The following KIAA1328 variants were observed in gnomAD, a reference collection of about 807,000 sequenced individuals.
KIAA1328 encodes KIAA1328, also known as protein hinderin.
In KIAA1328, 52 loss-of-function variants were observed where a neutral mutation model predicts 68.1. That is an observed-to-expected ratio of 0.76 (90% confidence interval 0.61 to 0.96). The LOEUF is 0.96. Among genes scored for constraint, KIAA1328 ranks in the 40% least tolerant of loss-of-function variants. The pLI is 0.00. For synonymous variants in KIAA1328, 232 were observed against 239.4 expected (o/e 0.97, Z 0.28); for missense variants, 641 against 677.6 (o/e 0.95, Z 0.60).
At chr18:36,852,126 A>G (rs1449887269) in intron 4 of KIAA1328, among the ~76,000 whole-genome samples, 1 of 152,038 alleles carries the variant, frequency 6.6e-6, no homozygotes, top group African/African-American at 2.4e-5. Context: ...ATTTTATTCT[A>G]TTGTGGTGGA....
At chr18:37,071,057 C>CTTTTTTTTTTTTTTTTTTTTTTTTT (rs58722044) in intron 7 of KIAA1328, among the ~76,000 whole-genome samples, 2 of 86,844 alleles carry the variant, frequency 2.3e-5, no homozygotes, top group African/African-American at 4.6e-5. Flanking sequence ...TTTTTTCTTC[C>CTTTTTTTTTTTTTTTTTTTTTTTTT]TTTTTTTTTT....
At chr18:36,957,165 C>A (rs117840740) in intron 5 of KIAA1328, among the ~76,000 whole-genome samples, 1 of 152,122 alleles carries the variant, frequency 6.6e-6, no homozygotes, top group Admixed American at 6.5e-5. Context: ...CAAGAATCTG[C>A]CCCGAAGCAA....
chr18:37,094,565 G>C (rs1437994862), intron 7 of KIAA1328, among the ~76,000 whole-genome samples: 1 of 152,062 alleles, frequency 6.6e-6, no homozygotes, highest in East Asian at 1.9e-4. Flanking sequence ...AGTCACTAAT[G>C]AAGCAGATAC....
At chr18:36,915,563 T>C (rs1208585399) in intron 5 of KIAA1328, among the ~76,000 whole-genome samples, 2 of 152,116 alleles carry the variant, frequency 1.3e-5, no homozygotes, top group Non-Finnish European at 2.9e-5. Context: ...AATAAACACA[T>C]GAAAACATGT....
intron 7 of KIAA1328, among the ~76,000 whole-genome samples, chr18:37,083,889 A>G (rs1008232888): frequency 6.6e-6 from 1 of 152,204 alleles, no homozygotes; most frequent in African/African-American, 2.4e-5. Context: ...GAATTTTTAA[A>G]TGATATTCTA....
At chr18:37,212,999 G>A (rs1047069309) in intron 9 of KIAA1328, among the ~76,000 whole-genome samples, 4 of 152,148 alleles carry the variant, frequency 2.6e-5, no homozygotes, top group African/African-American at 9.7e-5. Context: ...GATTACAGGC[G>A]TGCGCCACTG....
intron 4 of KIAA1328, among the ~76,000 whole-genome samples, chr18:36,860,690 T>C (rs562295812): frequency 1.3e-5 from 2 of 152,344 alleles, no homozygotes; most frequent in African/African-American, 4.8e-5. Context: ...GTCACTGCTC[T>C]TTGTAATATT....
At chr18:37,049,739 G>A (rs544510287) in intron 6 of KIAA1328, among the ~76,000 whole-genome samples, 3 of 152,136 alleles carry the variant, frequency 2.0e-5, no homozygotes, top group Non-Finnish European at 4.4e-5. Flanking sequence ...TAGTAATAAG[G>A]CTGTGATTCA....
At chr18:36,854,647 C>CT (rs1272233493) in intron 4 of KIAA1328, among the ~76,000 whole-genome samples, 1 of 152,076 alleles carries the variant, frequency 6.6e-6, no homozygotes, top group African/African-American at 2.4e-5. Flanking sequence ...TTCTCCCCAC[C>CT]TTTTTTTAAA....
intron 7 of KIAA1328, among the ~76,000 whole-genome samples, chr18:37,143,884 G>A (rs527518902): frequency 5.9e-5 from 9 of 152,114 alleles, no homozygotes; most frequent in South Asian, 2.1e-4. Context: ...TAACTTGGCC[G>A]TGATATGGTA....
chr18:37,197,853 A>G (rs922722847), intron 9 of KIAA1328, among the ~76,000 whole-genome samples: 14 of 152,150 alleles, frequency 9.2e-5, no homozygotes, highest in African/African-American at 3.4e-4. Flanking sequence ...CAAGATGTCT[A>G]CCCAAGAGAA....
intron 6 of KIAA1328, among the ~76,000 whole-genome samples, chr18:36,963,293 C>T (rs531734707): frequency 2.2e-4 from 33 of 152,252 alleles, no homozygotes; most frequent in Non-Finnish European, 3.7e-4. Flanking sequence ...GATCAGATTT[C>T]AGACCTTTGG....
chr18:36,868,894 T>C (rs2047847773), intron 4 of KIAA1328, among the ~76,000 whole-genome samples: 1 of 152,164 alleles, frequency 6.6e-6, no homozygotes, highest in Admixed American at 6.5e-5. Context: ...TTTCCCGTTG[T>C]AAAATGAATA....
chr18:37,089,444 G>A (rs550468447), intron 7 of KIAA1328, among the ~76,000 whole-genome samples: 3 of 144,000 alleles, frequency 2.1e-5, no homozygotes, highest in Non-Finnish European at 4.5e-5. Context: ...TCACAATCTC[G>A]GCTCATTGCA....
At chr18:36,832,688 A>C (rs1430541401) in intron 1 of KIAA1328, 1 of 152,060 alleles carries the variant, frequency 6.6e-6, no homozygotes, top group Non-Finnish European at 1.5e-5. Flanking sequence ...ATCAATACCA[A>C]TTTTATTCTT....
In KIAA1328 at chr18:36,834,418, A is replaced by G. The variant is rs1190078466; in HGVS notation, c.94+63A>G. ...TGGTCCTTAAATGTTAGAAGAAAAT[A>G]AAGCTATTAGAACAATGTTGCGGGT... is the stretch of plus-strand genomic sequence containing the variant. On this transcript the variant is annotated intron_variant, in intron 2 of 9. Coordinates refer to ENST00000280020, the MANE Select transcript of KIAA1328 (RefSeq NM_020776.3). 5.8e-6 allele frequency: 8 copies of G among 1,381,160 alleles called. No individual in the cohort carries two copies. The African/African-American group carries it at 1.2e-4, about 20-fold the overall frequency. The allele number at this position is 1,381,160 out of a possible 1,614,324, so 85.6% of individuals were successfully genotyped here. A position where few individuals can be genotyped will look rare whatever the true frequency, so the allele number is the denominator to read the frequency against.
chr18:36,954,355 T>C (rs2051310989), intron 5 of KIAA1328: 1 of 152,190 alleles, frequency 6.6e-6, no homozygotes. Context: ...TTTGATTAGG[T>C]TCAGATTAAA....
chr18:36,835,376 G>A lies in KIAA1328; in HGVS notation c.237G>A (p.Gln79=), dbSNP rs768123803. 6.2e-7 allele frequency: 1 copy of A among 1,605,542 alleles called. No homozygotes were observed. Among genetic ancestry groups the A allele is most frequent in the Non-Finnish European group, 8.5e-7 (1 of 1,176,948 alleles). The change falls in exon 3 of 10, where the codon CAG becomes CAA. Residue 79 remains glutamine (Q), a splice_region_variant and synonymous_variant. Coordinates refer to ENST00000280020, the MANE Select transcript of KIAA1328 (RefSeq NM_020776.3). ...GCACAGGAGATTCAGTAGATGAACA[G>A]GTTAGTATTTTTTTCGTCTTTTTTT... is the stretch of plus-strand genomic sequence containing the variant. ...LKGTGDSVDE[Q]NSCRGEIKSA...
At chr18:36,943,243 C>G (rs1442980873) in intron 5 of KIAA1328, among the ~76,000 whole-genome samples, 1 of 152,134 alleles carries the variant, frequency 6.6e-6, no homozygotes, top group Non-Finnish European at 1.5e-5. Flanking sequence ...GATAGATTTG[C>G]CTTTTATAAA....
Sources: allele counts gnomAD v4.1 joint callset (sites outside exome capture counted in the v4.1 genomes callset), GRCh38; gene constraint gnomAD v4.1.1; transcripts MANE v1.5; gene names NCBI Gene and HGNC (gene_info 2026-07-23, HGNC 2026-07-21).